ANKS1B: variants seen among roughly 807,000 people sequenced by gnomAD.
ANKS1B encodes ankyrin repeat and sterile alpha motif domain containing 1B.
In ANKS1B, 36 loss-of-function variants were observed where a neutral mutation model predicts 148.3. That is an observed-to-expected ratio of 0.24 (90% CI 0.19 to 0.32). The LOEUF (loss-of-function observed/expected upper bound fraction) is 0.32. Ranked by LOEUF, ANKS1B falls within the 10% of genes least tolerant of loss-of-function variation. The pLI is 1.00. For synonymous variants in ANKS1B, 542 were observed against 560.8 expected (o/e 0.97, Z 0.47); for missense variants, 1,157 against 1,542.6 (o/e 0.75, Z 4.19).
intron 9 of ANKS1B, among the ~76,000 whole-genome samples, chr12:99,626,709 TG>T (rs1331954411): frequency 1.3e-5 from 2 of 152,054 alleles, no homozygotes; most frequent in Non-Finnish European, 2.9e-5. Context: ...TGGCATACAT[TG>T]GGGCGAATGG....
intron 9 of ANKS1B, among the ~76,000 whole-genome samples, chr12:99,538,293 A>G: frequency 6.6e-6 from 1 of 152,052 alleles, no homozygotes; most frequent in Admixed American, 6.6e-5. Flanking sequence ...ATTTCTGTGA[A>G]GAATGTTATT....
intron 1 of ANKS1B, among the ~76,000 whole-genome samples, chr12:99,868,797 C>T (rs1019144506): frequency 2.0e-5 from 3 of 152,096 alleles, no homozygotes; most frequent in Admixed American, 2.0e-4. Context: ...GTGGCTCAAA[C>T]CTGTAATCCC....
intron 17 of ANKS1B, among the ~76,000 whole-genome samples, chr12:98,901,541 G>A (rs1050614154): frequency 2.0e-5 from 3 of 152,166 alleles, no homozygotes; most frequent in Admixed American, 6.5e-5. Context: ...GTAGAGACAG[G>A]AGCACTATAA....
chr12:99,363,126 C>G (rs114125073), intron 12 of ANKS1B, among the ~76,000 whole-genome samples: 1 of 151,892 alleles, frequency 6.6e-6, no homozygotes, highest in East Asian at 1.9e-4. Flanking sequence ...TAAAAGACTC[C>G]TTCCTCTACT....
At chr12:98,843,233 C>T (rs749286112) in intron 17 of ANKS1B, among the ~76,000 whole-genome samples, 16 of 152,168 alleles carry the variant, frequency 1.1e-4, no homozygotes, top group Non-Finnish European at 1.8e-4. Flanking sequence ...CATGAGGTGG[C>T]GAATCCTCCT....
intron 9 of ANKS1B, among the ~76,000 whole-genome samples, chr12:99,626,486 T>C (rs2098113851): frequency 6.6e-6 from 1 of 152,148 alleles, no homozygotes; most frequent in Non-Finnish European, 1.5e-5. Flanking sequence ...ATCCTTTCAC[T>C]TTCTTTTTTC....
At chr12:99,887,427 T>C (rs2092884687) in intron 1 of ANKS1B, among the ~76,000 whole-genome samples, 2 of 152,242 alleles carry the variant, frequency 1.3e-5, no homozygotes, top group African/African-American at 4.8e-5. Flanking sequence ...CATCTGTTTC[T>C]TTTCACGTTT....
At chr12:99,356,213 C>A (rs896802098) in intron 12 of ANKS1B, among the ~76,000 whole-genome samples, 1 of 152,138 alleles carries the variant, frequency 6.6e-6, no homozygotes, top group African/African-American at 2.4e-5. Flanking sequence ...TCAGGGAGGG[C>A]ACAGCCATGG....
At chr12:99,494,323 G>C (rs548087224) in intron 10 of ANKS1B, among the ~76,000 whole-genome samples, 5 of 152,180 alleles carry the variant, frequency 3.3e-5, no homozygotes, top group African/African-American at 9.7e-5. Flanking sequence ...GGAATAAAGA[G>C]AGAACACTAG....
intron 15 of ANKS1B, among the ~76,000 whole-genome samples, chr12:99,129,836 G>C (rs142244231): frequency 4.0e-4 from 61 of 152,154 alleles, no homozygotes; most frequent in African/African-American, 1.4e-3. Context: ...AAGATGTTCA[G>C]TATAACATTG....
rs188608980 is a variant in ANKS1B, at chr12:98,825,062, G to A, written c.3066+4112C>T. ...AGGGACTATAGAAGAACAAGGATAGGGTTAGGCAGGCCAGGGCTTGAGTCC... is the reference window on the plus strand; with the variant it reads ...AGGGACTATAGAAGAACAAGGATAGAGTTAGGCAGGCCAGGGCTTGAGTCC... On this transcript the variant is annotated intron_variant, in intron 19 of 26. Coordinates refer to ENST00000683438, the MANE Select transcript of ANKS1B (RefSeq NM_001352186.2). 2.9e-4 allele frequency among the ~76,000 whole-genome samples: 44 copies of A among 152,180 alleles called. 1 individual carries two copies. The East Asian group carries it at 6.4e-3, about 22-fold the overall frequency.
chr12:99,458,723 A>G (rs536267229), intron 10 of ANKS1B, among the ~76,000 whole-genome samples: 1 of 151,960 alleles, frequency 6.6e-6, no homozygotes, highest in Non-Finnish European at 1.5e-5. Context: ...AGAAATAGAA[A>G]CTCTGAACAG....
At chr12:99,129,604 A>C (rs1344400335) in intron 15 of ANKS1B, among the ~76,000 whole-genome samples, 1 of 152,232 alleles carries the variant, frequency 6.6e-6, no homozygotes. Context: ...AGTTGAGAGT[A>C]TGCTGAAATT....
chr12:99,787,660 A>G (rs1307230280), intron 4 of ANKS1B, among the ~76,000 whole-genome samples: 1 of 152,216 alleles, frequency 6.6e-6, no homozygotes, highest in African/African-American at 2.4e-5. Flanking sequence ...CAAGAACCAA[A>G]AATCAAGTGA....
At chr12:98,843,023 A>G (rs1263030832) in intron 17 of ANKS1B, among the ~76,000 whole-genome samples, 1 of 152,234 alleles carries the variant, frequency 6.6e-6, no homozygotes, top group African/African-American at 2.4e-5. Flanking sequence ...AGGAGCCAAC[A>G]TGGGTTCTCT....
intron 16 of ANKS1B, among the ~76,000 whole-genome samples, chr12:99,054,170 C>T (rs544354083): frequency 3.4e-4 from 52 of 152,262 alleles, no homozygotes; most frequent in Admixed American, 9.8e-4. Context: ...TTGCATGCCA[C>T]GCCGTATATC....
chr12:99,642,065 T>C (rs2098313569), intron 9 of ANKS1B, among the ~76,000 whole-genome samples: 2 of 152,320 alleles, frequency 1.3e-5, no homozygotes, highest in Admixed American at 1.3e-4. Context: ...GTGTTAGATA[T>C]CATTATTAAC....
intron 8 of ANKS1B, among the ~76,000 whole-genome samples, chr12:99,686,458 C>T (rs1392433693): frequency 4.6e-5 from 7 of 152,204 alleles, no homozygotes; most frequent in Admixed American, 1.3e-4. Flanking sequence ...ACTGCTCATG[C>T]TGCTGGGCAG....
chr12:98,810,382 ACCTT>A (rs2099085371), intron 19 of ANKS1B, among the ~76,000 whole-genome samples: 1 of 152,190 alleles, frequency 6.6e-6, no homozygotes. Context: ...TGTCAGGACC[ACCTT>A]CATGAATATT....
Sources: allele counts gnomAD v4.1 joint callset (sites outside exome capture counted in the v4.1 genomes callset), GRCh38; gene constraint gnomAD v4.1.1; transcripts MANE v1.5; gene names NCBI Gene and HGNC (gene_info 2026-07-23, HGNC 2026-07-21).